Variants in DPP10 observed in about 807,000 individuals in gnomAD.
The protein encoded by DPP10 is dipeptidyl peptidase like 10.
A neutral mutation model predicts 120.9 loss-of-function variants in DPP10; 33 were observed. The ratio of observed to expected loss-of-function variants is 0.27; its 90% CI spans 0.21 to 0.37. The LOEUF is 0.37. DPP10 is among the 10% of genes least tolerant of loss of function. The pLI, the probability that DPP10 is intolerant of heterozygous loss-of-function variation, is 1.00. For synonymous variants in DPP10, 337 were observed against 326.1 expected (o/e 1.03, Z -0.36); for missense variants, 816 against 942.8 (o/e 0.87, Z 1.76).
At chr2:114,742,442 A>G (rs773274270) in intron 1 of DPP10, among the ~76,000 whole-genome samples, 17 of 152,228 alleles carry the variant, frequency 1.1e-4, no homozygotes, top group Non-Finnish European at 1.9e-4. Context: ...TGATTTCACA[A>G]TCATTAACTA....
intron 1 of DPP10, among the ~76,000 whole-genome samples, chr2:114,973,566 A>G (rs890334156): frequency 2.9e-4 from 43 of 147,846 alleles, no homozygotes; most frequent in African/African-American, 1.0e-3. Context: ...GGAGACTGAG[A>G]CAGGAGAATG....
At chr2:115,700,284 A>C (rs956542922) in intron 7 of DPP10, among the ~76,000 whole-genome samples, 5 of 152,184 alleles carry the variant, frequency 3.3e-5, no homozygotes, top group Admixed American at 6.6e-5. Context: ...ACACAGATTC[A>C]AATCATGTCA....
At chr2:115,402,685 G>T (rs2068159350) in intron 3 of DPP10, among the ~76,000 whole-genome samples, 1 of 150,300 alleles carries the variant, frequency 6.7e-6, no homozygotes, top group African/African-American at 2.4e-5. Context: ...CGCAGGACTG[G>T]ACGGCTTCAC....
intron 4 of DPP10, among the ~76,000 whole-genome samples, chr2:115,505,473 C>T (rs1039676504): frequency 2.6e-5 from 4 of 152,004 alleles, no homozygotes; most frequent in Non-Finnish European, 5.9e-5. Flanking sequence ...AGGTGTCAGA[C>T]AGGATGCTGG....
At chr2:115,591,478 T>C (rs2082658295) in intron 5 of DPP10, among the ~76,000 whole-genome samples, 2 of 152,216 alleles carry the variant, frequency 1.3e-5, no homozygotes, top group Admixed American at 1.3e-4. Context: ...TGTGTGGTAT[T>C]ATTTCTGCAG....
chr2:115,259,999 C>G (rs1387813812), intron 1 of DPP10, among the ~76,000 whole-genome samples: 1 of 151,282 alleles, frequency 6.6e-6, no homozygotes, highest in Non-Finnish European at 1.5e-5. Context: ...TATAATTACA[C>G]TTTTAAAAAT....
At chr2:115,751,301 T>A (rs1678676863) in intron 10 of DPP10, among the ~76,000 whole-genome samples, 1 of 152,194 alleles carries the variant, frequency 6.6e-6, no homozygotes, top group Non-Finnish European at 1.5e-5. Context: ...TATAATGGTG[T>A]ATGCAAAATA....
intron 3 of DPP10, among the ~76,000 whole-genome samples, chr2:115,402,842 G>GAAAAA (rs1553584302): frequency 2.3e-3 from 87 of 38,500 alleles, no homozygotes; most frequent in Non-Finnish European, 3.2e-3. Context: ...ACACTACAAG[G>GAAAAA]AAAAAAAAAA....
intron 3 of DPP10, among the ~76,000 whole-genome samples, chr2:115,374,274 A>C (rs553121683): frequency 1.3e-5 from 2 of 152,294 alleles, no homozygotes; most frequent in East Asian, 3.9e-4. Flanking sequence ...GGCATTGTGC[A>C]AATACTCCCA....
At chr2:114,505,264 AG>A (rs528262484) in intron 1 of DPP10, among the ~76,000 whole-genome samples, 140 of 150,428 alleles carry the variant, frequency 9.3e-4, no homozygotes, top group South Asian at 1.9e-3. Flanking sequence ...GATAAGACAA[AG>A]GGATTTGGGC....
chr2:115,094,358 A>T (rs1231209219), intron 1 of DPP10, among the ~76,000 whole-genome samples: 3 of 152,106 alleles, frequency 2.0e-5, no homozygotes, highest in Non-Finnish European at 2.9e-5. Context: ...AAAGAATTCA[A>T]ATATCTGGAC....
chr2:114,608,116 G>A (rs999473920), intron 1 of DPP10, among the ~76,000 whole-genome samples: 1 of 152,170 alleles, frequency 6.6e-6, no homozygotes, highest in African/African-American at 2.4e-5. Context: ...AGTATTTACT[G>A]GTCCTGACTA....
chr2:114,484,850 C>A (rs1331650521), intron 1 of DPP10, among the ~76,000 whole-genome samples: 1 of 151,766 alleles, frequency 6.6e-6, no homozygotes, highest in East Asian at 1.9e-4. Context: ...CAAATGTCTT[C>A]AGGTATAGAG....
intron 1 of DPP10, among the ~76,000 whole-genome samples, chr2:114,629,337 C>T (rs992030143): frequency 2.6e-5 from 4 of 152,054 alleles, no homozygotes; most frequent in East Asian, 3.8e-4. Flanking sequence ...TACAGAAAAA[C>T]GTTTGGCTCA....
intron 19 of DPP10, among the ~76,000 whole-genome samples, chr2:115,799,033 T>A (rs1575809853): frequency 6.6e-6 from 1 of 152,094 alleles, no homozygotes; most frequent in Non-Finnish European, 1.5e-5. Flanking sequence ...AGTTGCTAGA[T>A]CAGCCACAAC....
chr2:115,745,680 C>CT (rs143702314), intron 9 of DPP10, among the ~76,000 whole-genome samples: 4,188 of 149,282 alleles, frequency 0.028, 229 homozygotes, highest in African/African-American at 0.094. Flanking sequence ...CATTTCTCCT[C>CT]TTTTTTTTTA....
At chr2:114,684,489 G>A (rs776572385) in intron 1 of DPP10, among the ~76,000 whole-genome samples, 4 of 152,024 alleles carry the variant, frequency 2.6e-5, no homozygotes. Context: ...CTTTGGGCTG[G>A]TTTTACAATG....
At chr2:115,031,509 C>T (rs1470679556) in intron 1 of DPP10, among the ~76,000 whole-genome samples, 1 of 152,172 alleles carries the variant, frequency 6.6e-6, no homozygotes, top group African/African-American at 2.4e-5. Flanking sequence ...CATTGAATCA[C>T]TGCTTTCACC....
intron 5 of DPP10, among the ~76,000 whole-genome samples, chr2:115,589,345 A>G (rs2149164342): frequency 6.6e-6 from 1 of 152,308 alleles, no homozygotes; most frequent in South Asian, 2.1e-4. Flanking sequence ...GGAATAAAGA[A>G]GAGAAGTAAT....
Sources: allele counts gnomAD v4.1 joint callset (sites outside exome capture counted in the v4.1 genomes callset), GRCh38; gene constraint gnomAD v4.1.1; transcripts MANE v1.5; gene names NCBI Gene and HGNC (gene_info 2026-07-23, HGNC 2026-07-21).